Variants in ANKRD62 observed in about 807,000 individuals in gnomAD.
The protein encoded by ANKRD62 is ankyrin repeat domain 62.
A neutral mutation model predicts 98.8 loss-of-function variants in ANKRD62; 61 were observed. The ratio of observed to expected loss-of-function variants is 0.62; its 90% CI spans 0.50 to 0.76. The LOEUF is 0.76. ANKRD62 is among the 30% of genes least tolerant of loss of function. The pLI, the probability that ANKRD62 is intolerant of heterozygous loss-of-function variation, is 0.00. For missense variants in ANKRD62, 933 were observed against 1,082.9 expected, an observed-to-expected ratio of 0.86 and a Z score of 1.94; for synonymous variants, 341 against 367.9, an observed-to-expected ratio of 0.93 and a Z score of 0.84.
rs909119882 is a variant in ANKRD62 at position 12,108,316 on chromosome 18, A to G, written c.1064+849A>G. ...GCTGGGGAAGCCTCAGGAAATTTAC[A>G]ATCATGACAGAAGGCAAAGGAGAAG... On this transcript the variant is annotated intron_variant, in intron 8 of 13. Coordinates refer to ENST00000587848, the MANE Select transcript of ANKRD62 (RefSeq NM_001277333.2). 2.6e-5 allele frequency among the ~76,000 whole-genome samples: 4 copies of G among 152,336 alleles called. No homozygotes were observed. In the South Asian group the frequency reaches 8.3e-4, roughly 32 times the overall value.
chr18:12,177,585 G>A, the ANKRD62 span, among the ~76,000 whole-genome samples: 4 of 151,882 alleles, frequency 2.6e-5, no homozygotes, highest in South Asian at 2.1e-4. Flanking sequence ...CAAATGTGGC[G>A]ACATACATTG....
intron 3 of ANKRD62, among the ~76,000 whole-genome samples, chr18:12,095,958 C>T (rs1316643290): frequency 6.6e-6 from 1 of 152,114 alleles, no homozygotes; most frequent in Non-Finnish European, 1.5e-5. Flanking sequence ...AGCGGTTATC[C>T]CTTTATGTGA....
chr18:12,152,602 A>T, the ANKRD62 span, among the ~76,000 whole-genome samples: 3 of 152,226 alleles, frequency 2.0e-5, no homozygotes, highest in African/African-American at 4.8e-5. Context: ...AGAGCTATTC[A>T]TGACAAATCT....
At chr18:12,175,956 C>T in the ANKRD62 span, among the ~76,000 whole-genome samples, 1 of 151,740 alleles carries the variant, frequency 6.6e-6, no homozygotes, top group African/African-American at 2.4e-5. Context: ...CTTTGGGAGG[C>T]CGAGGTGGAT....
chr18:12,149,942 C>G, the ANKRD62 span, among the ~76,000 whole-genome samples: 1 of 151,628 alleles, frequency 6.6e-6, no homozygotes, highest in African/African-American at 2.4e-5. Context: ...CCAGACAGAG[C>G]TGGCTGACAT....
the ANKRD62 span, among the ~76,000 whole-genome samples, chr18:12,134,838 T>C: frequency 4.6e-5 from 7 of 152,170 alleles, no homozygotes; most frequent in African/African-American, 7.2e-5. Flanking sequence ...TAAACATACG[T>C]GTGCATGTCT....
chr18:12,101,631 G>A (rs907829653), intron 6 of ANKRD62, among the ~76,000 whole-genome samples: 12 of 152,024 alleles, frequency 7.9e-5, no homozygotes, highest in African/African-American at 2.9e-4. Flanking sequence ...ATCATTCCCA[G>A]GGCAAAAACA....
chr18:12,122,264 C>T, intron 10 of ANKRD62, 39 bp from the exon 11 acceptor site: 1 of 1,440,504 alleles, frequency 6.9e-7, no homozygotes, highest in South Asian at 1.3e-5. Context: ...AAAACCTACT[C>T]ATGTATTTTA....
the ANKRD62 span, among the ~76,000 whole-genome samples, chr18:12,150,084 T>C: frequency 1.3e-5 from 2 of 151,690 alleles, no homozygotes; most frequent in Non-Finnish European, 2.9e-5. Context: ...ATAGCCACCA[T>C]AGGAAAAAAA....
chr18:12,099,795 T>G (rs1245399661), intron 6 of ANKRD62, 113 bp downstream of exon 6: 3 of 463,774 alleles, frequency 6.5e-6, no homozygotes, highest in Non-Finnish European at 1.1e-5. Flanking sequence ...GTAAATTGAA[T>G]GTATATTTTT....
At chr18:12,145,733 C>G in the ANKRD62 span, among the ~76,000 whole-genome samples, 1 of 152,120 alleles carries the variant, frequency 6.6e-6, no homozygotes, top group Admixed American at 6.5e-5. Flanking sequence ...GGTGGCTTAG[C>G]CATTCCAGCC....
intron 7 of ANKRD62, 23 bp downstream of exon 7, chr18:12,103,251 A>G: frequency 3.0e-6 from 4 of 1,317,852 alleles, no homozygotes; most frequent in Non-Finnish European, 3.9e-6. Flanking sequence ...TTAATTTCAA[A>G]TTTCTGGTTT....
chr18:12,099,860 G>A (rs1478160113), intron 6 of ANKRD62, among the ~76,000 whole-genome samples, 178 bp downstream of exon 6: 1 of 151,434 alleles, frequency 6.6e-6, no homozygotes, highest in Non-Finnish European at 1.5e-5. Flanking sequence ...TTACTTGTAG[G>A]CAAGTTATAA....
At chr18:12,167,203 G>C in the ANKRD62 span, among the ~76,000 whole-genome samples, 1 of 151,876 alleles carries the variant, frequency 6.6e-6, no homozygotes, top group Non-Finnish European at 1.5e-5. Context: ...TGTTACGTAT[G>C]TATACATGTG....
chr18:12,114,019 A>G (rs1909604971), intron 8 of ANKRD62, among the ~76,000 whole-genome samples: 1 of 152,254 alleles, frequency 6.6e-6, no homozygotes, highest in African/African-American at 2.4e-5. Flanking sequence ...CATTATTCTT[A>G]GCAATTTAAC....
In ANKRD62 at chr18:12,128,746, A is replaced by C. The variant is rs1169390845; in HGVS notation, c.*807A>C. On this transcript the variant is annotated 3_prime_UTR_variant, in exon 14 of 14. Coordinates refer to ENST00000587848, the MANE Select transcript of ANKRD62 (RefSeq NM_001277333.2). ...TTTCTTCTGGTTTCCCTGGAAAGGA[A>C]AGATGATGCTTAGTTTTAAATGTTA... The C allele has an allele frequency of 6.6e-6, 1 of 152,214 alleles. No individual in the cohort carries two copies. The allele number at this position is 152,214 out of a possible 1,614,324, so 9.4% of individuals were successfully genotyped here.
chr18:12,154,932 C>T, the ANKRD62 span, among the ~76,000 whole-genome samples: 23 of 152,042 alleles, frequency 1.5e-4, no homozygotes, highest in Non-Finnish European at 2.8e-4. Context: ...AACTCATGAA[C>T]GCAGAGAAGG....
the ANKRD62 span, among the ~76,000 whole-genome samples, chr18:12,151,424 A>G: frequency 6.6e-6 from 1 of 152,218 alleles, no homozygotes; most frequent in Admixed American, 6.5e-5. Flanking sequence ...CACTGGACCA[A>G]GTGGGTCTGA....
At chr18:12,105,309 G>T (rs759061496) in intron 7 of ANKRD62, among the ~76,000 whole-genome samples, 2 of 152,206 alleles carry the variant, frequency 1.3e-5, no homozygotes, top group Non-Finnish European at 2.9e-5. Context: ...TAGAAAATGT[G>T]CATTCTTCTC....
Sources: gnomAD v4.1 joint callset for allele counts (sites outside exome capture counted in the v4.1 genomes callset) on GRCh38, gnomAD v4.1.1 for gene constraint, MANE v1.5 for transcripts, NCBI Gene and HGNC (gene_info 2026-07-23, HGNC 2026-07-21) for gene names.